Variants in NOS1 observed in about 807,000 individuals in gnomAD.
NOS1 encodes the protein NOS type I.
A neutral mutation model predicts 164.5 loss-of-function variants in NOS1; 51 were observed. That is an observed-to-expected ratio of 0.31 (90% confidence interval 0.25 to 0.39). The LOEUF is 0.39. Ranked by LOEUF, NOS1 falls within the 10% of genes least tolerant of loss-of-function variation. NOS1 has a pLI of 1.00. For synonymous variants in NOS1, 719 were observed against 745.8 expected, an observed-to-expected ratio of 0.96 and a Z score of 0.59; for missense variants, 1,362 against 1,885.6, an observed-to-expected ratio of 0.72 and a Z score of 5.14.
In NOS1 at chr12:117,219,990, A is replaced by G; in HGVS notation, c.4170+85T>C. 3 of 1,328,732 alleles carry G rather than the reference A, an allele frequency of 2.3e-6. No homozygotes were observed. The South Asian group carries it at 4.2e-5, about 18-fold the overall frequency. 82.3% of individuals were successfully genotyped at this position (1,328,732 alleles called of 1,614,324 possible). A position where few individuals can be genotyped will look rare whatever the true frequency, so the allele number is the denominator to read the frequency against. On this transcript the variant is annotated intron_variant, in intron 27 of 28. Transcript: ENST00000317775. ...GCAGGGATATCATCGTGGCTCCCCTAATCATCAAGACAGGTTGGATGAAAA... is the reference window on the plus strand; with the variant it reads ...GCAGGGATATCATCGTGGCTCCCCTGATCATCAAGACAGGTTGGATGAAAA...
chr12:117,274,587 G>A (rs1319842874), intron 9 of NOS1, among the ~76,000 whole-genome samples: 1 of 151,978 alleles, frequency 6.6e-6, no homozygotes, highest in Non-Finnish European at 1.5e-5. Context: ...TGACCAACAT[G>A]GTGAAACCCC....
chr12:117,315,798 T>C (rs1334164436), intron 2 of NOS1, among the ~76,000 whole-genome samples: 1 of 152,190 alleles, frequency 6.6e-6, no homozygotes, highest in Non-Finnish European at 1.5e-5. Flanking sequence ...ATCTGTTAAA[T>C]AGGGTCAATA....
intron 1 of NOS1, among the ~76,000 whole-genome samples, chr12:117,334,810 C>A (rs1208661439): frequency 6.6e-6 from 1 of 152,226 alleles, no homozygotes; most frequent in Non-Finnish European, 1.5e-5. Flanking sequence ...TCAGGTTCGG[C>A]TGTCCCCCAA....
In NOS1 at chr12:117,354,591, G is replaced by A. The variant is rs138976384; in HGVS notation, c.-421+6921C>T. ...TCGAGTACTATTCTGATTTATCCCC[G>A]GAGGTTACTTTTTTTTTATGCTGAA... On this transcript the variant is annotated intron_variant, in intron 1 of 28. Coordinates refer to ENST00000317775, the MANE Select transcript of NOS1 (RefSeq NM_000620.5). Among the ~76,000 whole-genome samples, 4 of 152,284 alleles carry A rather than the reference G, an allele frequency of 2.6e-5. No homozygotes were observed. In the East Asian group the frequency reaches 5.8e-4, roughly 22 times the overall value.
At chr12:117,262,488 G>GGGGGA (rs1555253180) in intron 13 of NOS1, among the ~76,000 whole-genome samples, 90 of 118,582 alleles carry the variant, frequency 7.6e-4, no homozygotes, top group African/African-American at 3.2e-3. Flanking sequence ...AGGGGGAGGG[G>GGGGGA]GAGAGAGAGA....
rs376597481 is a variant in NOS1 at position 117,258,375 on chromosome 12, G to A, written c.2531+22C>T. On this transcript the variant is annotated intron_variant, in intron 16 of 28. Transcript: ENST00000317775. ...GTTACCCTCGGGGGTGGCGGGTGAC[G>A]TCGGAGGGGTCATTCACTTACTTCC... The A allele has an allele frequency of 8.1e-5, 131 of 1,613,610 alleles. 1 individual carries two copies. The African/African-American group carries it at 1.3e-3, about 16-fold the overall frequency.
chr12:117,283,227 A>AT, intron 7 of NOS1, among the ~76,000 whole-genome samples: 1 of 151,250 alleles, frequency 6.6e-6, no homozygotes, highest in Admixed American at 6.6e-5. Context: ...CGTCCTACTA[A>AT]TTTTTTGCAT....
intron 8 of NOS1, among the ~76,000 whole-genome samples, chr12:117,280,200 T>G (rs1411440888): frequency 6.6e-6 from 1 of 152,200 alleles, no homozygotes; most frequent in African/African-American, 2.4e-5. Flanking sequence ...TGAATTGACT[T>G]GGGCTACCAG....
At position 117,208,391 on chromosome 12, in the gene NOS1, C is replaced by A. The variant is rs964021745; in HGVS notation, c.*6918G>T. ...GGGGGGACGGCCGAGTTTCTGACAGCGTGTGTGTGTGTGTGTGTGTGTGTG... is the reference window on the plus strand; with the variant it reads ...GGGGGGACGGCCGAGTTTCTGACAGAGTGTGTGTGTGTGTGTGTGTGTGTG... On this transcript the variant is annotated 3_prime_UTR_variant, in exon 29 of 29. Transcript: ENST00000317775. The A allele has an allele frequency of 1.2e-6, 1 of 804,546 alleles. No homozygotes were observed. Among genetic ancestry groups the A allele is most frequent in the African/African-American group, 1.9e-5 (1 of 52,866 alleles). 49.8% of individuals were successfully genotyped at this position (804,546 alleles called of 1,614,324 possible).
chr12:117,333,006 T>A (rs576013786), intron 1 of NOS1, among the ~76,000 whole-genome samples: 6 of 152,262 alleles, frequency 3.9e-5, no homozygotes, highest in African/African-American at 1.2e-4. Flanking sequence ...CAAAGGCCAA[T>A]GGGGGCCCAG....
intron 2 of NOS1, among the ~76,000 whole-genome samples, chr12:117,326,139 G>A (rs920672300): frequency 1.3e-5 from 2 of 150,996 alleles, no homozygotes; most frequent in African/African-American, 4.9e-5. Flanking sequence ...TAATCCCAGC[G>A]CTTTGGGAGG....
intron 2 of NOS1, among the ~76,000 whole-genome samples, chr12:117,325,496 T>C (rs889610658): frequency 2.0e-5 from 3 of 152,086 alleles, no homozygotes; most frequent in Admixed American, 2.0e-4. Context: ...GTGGTGGTCC[T>C]CCTGCAACGC....
intron 17 of NOS1, among the ~76,000 whole-genome samples, chr12:117,253,208 A>G (rs1871218216): frequency 6.6e-6 from 1 of 152,190 alleles, no homozygotes; most frequent in Admixed American, 6.5e-5. Context: ...TTATTGTATT[A>G]GTACACTGCA....
chr12:117,210,399 G>A lies in NOS1; in HGVS notation c.*4910C>T. The A allele has an allele frequency of 1.0e-6, 1 of 985,386 alleles. No homozygotes were observed. 61.0% of individuals were successfully genotyped at this position (985,386 alleles called of 1,614,324 possible). A position where few individuals can be genotyped will look rare whatever the true frequency, so the allele number is the denominator to read the frequency against. On this transcript the variant is annotated 3_prime_UTR_variant, in exon 29 of 29. Coordinates refer to ENST00000317775, the MANE Select transcript of NOS1 (RefSeq NM_000620.5). The stretch of plus-strand genomic sequence containing the variant: ...TGTTTCTCTCTCCTTGTTGCTTCCT[G>A]GCAGTCTCAGACTACATTCCTGATA...
At chr12:117,293,397 C>G (rs997309256) in intron 3 of NOS1, among the ~76,000 whole-genome samples, 8 of 152,148 alleles carry the variant, frequency 5.3e-5, no homozygotes, top group Non-Finnish European at 5.9e-5. Flanking sequence ...ATCTCCCACA[C>G]CCAACTCATC....
rs9658483 is a variant in NOS1 at position 117,234,512 on chromosome 12, A to G, written c.3235+53T>C. On this transcript the variant is annotated intron_variant, in intron 21 of 28. Coordinates refer to ENST00000317775, the MANE Select transcript of NOS1 (RefSeq NM_000620.5). This position sits in a 1 kb window ranked among gnomAD's most constrained non-coding sequence, Gnocchi z 4.3. ...AGAAAAGGTATCTTCTTCCCGAGACACCCACTGCCTCTGCAGCTCCCTAGA... is the reference window on the plus strand; with the variant it reads ...AGAAAAGGTATCTTCTTCCCGAGACGCCCACTGCCTCTGCAGCTCCCTAGA... 4,030 of 1,557,102 alleles carry G rather than the reference A, an allele frequency of 2.6e-3. 68 individuals carry two copies. The African/African-American group carries it at 0.046, about 18-fold the overall frequency.
intron 26 of NOS1, among the ~76,000 whole-genome samples, chr12:117,221,124 A>C (rs1209038523): frequency 7.2e-6 from 1 of 139,242 alleles, no homozygotes; most frequent in African/African-American, 3.0e-5. Flanking sequence ...GGGCTGTTAA[A>C]TTTATTTTTA....
chr12:117,274,839 T>C (rs75386564), intron 9 of NOS1, among the ~76,000 whole-genome samples: 5,743 of 151,458 alleles, frequency 0.038, 337 homozygotes, highest in East Asian at 0.17. Flanking sequence ...CTGTGTTTAT[T>C]GAAGCACTAT....
At chr12:117,230,082 GC>G in intron 22 of NOS1, among the ~76,000 whole-genome samples, 1 of 152,260 alleles carries the variant, frequency 6.6e-6, no homozygotes, top group Middle Eastern at 3.4e-3. Context: ...ATGACGCCCA[GC>G]TAATTTAATT....
Sources: gnomAD v4.1 joint callset for allele counts (sites outside exome capture counted in the v4.1 genomes callset) on GRCh38, gnomAD v4.1.1 for gene constraint, Gnocchi (gnomAD v3.1) non-coding constraint, MANE v1.5 for transcripts, NCBI Gene and HGNC (gene_info 2026-07-23, HGNC 2026-07-21) for gene names.